LRMDA: variants seen among roughly 807,000 people sequenced by gnomAD.
The protein encoded by LRMDA is leucine-rich melanocyte differentiation-associated protein.
A neutral mutation model predicts 29.8 loss-of-function variants in LRMDA; 18 were observed. The observed-to-expected ratio is 0.60, with a 90% CI of 0.42 to 0.90. The LOEUF is 0.90. Among genes scored for constraint, LRMDA ranks in the 40% least tolerant of loss-of-function variants. The pLI is 0.00. For synonymous variants in LRMDA, 125 were observed against 109.4 expected (o/e 1.14, Z -0.89); for missense variants, 273 against 273.9 (o/e 1.00, Z 0.02).
At chr10:76,089,464 C>G (rs1898075) in intron 5 of LRMDA, among the ~76,000 whole-genome samples, 55,171 of 152,150 alleles carry the variant, frequency 0.36, 11,036 homozygotes, top group Non-Finnish European at 0.44. Context: ...GTCCTGGGAT[C>G]CTCCGCAACC....
intron 5 of LRMDA, among the ~76,000 whole-genome samples, chr10:76,237,614 A>G (rs762810097): frequency 2.6e-5 from 4 of 151,978 alleles, no homozygotes; most frequent in Non-Finnish European, 5.9e-5. Context: ...TGTCTTTTTC[A>G]AAGTGGGAGC....
intron 5 of LRMDA, among the ~76,000 whole-genome samples, chr10:76,076,967 C>T (rs939612204): frequency 2.6e-5 from 4 of 152,322 alleles, no homozygotes; most frequent in Middle Eastern, 3.4e-3. Flanking sequence ...TTGTGCTCCA[C>T]GTTACCTGGA....
intron 2 of LRMDA, among the ~76,000 whole-genome samples, chr10:75,560,817 T>C (rs1158554745): frequency 1.3e-5 from 2 of 152,150 alleles, no homozygotes; most frequent in Non-Finnish European, 2.9e-5. Context: ...TTTGATTCTG[T>C]TTATATGCTG....
At chr10:76,035,045 G>A (rs1289066603) in intron 2 of LRMDA, among the ~76,000 whole-genome samples, 4 of 151,350 alleles carry the variant, frequency 2.6e-5, no homozygotes, top group African/African-American at 9.7e-5. Context: ...ATAAAATTAA[G>A]AGTTAACTTT....
At chr10:76,063,631 T>C (rs78833173) in intron 5 of LRMDA, among the ~76,000 whole-genome samples, 2,021 of 152,194 alleles carry the variant, frequency 0.013, 47 homozygotes, top group African/African-American at 0.046. Flanking sequence ...GGAGATGCCC[T>C]GTGTTGAAGA....
At chr10:75,497,161 G>A (rs1169401930) in intron 2 of LRMDA, among the ~76,000 whole-genome samples, 1 of 152,062 alleles carries the variant, frequency 6.6e-6, no homozygotes, top group African/African-American at 2.4e-5. Flanking sequence ...ATGTCAGGGT[G>A]GCATTCACAG....
rs1851975263 is a variant in LRMDA at position 76,227,222 on chromosome 10, C to T, written c.517-97179C>T. On this transcript the variant is annotated intron_variant, in intron 5 of 6. Coordinates refer to ENST00000611255, the MANE Select transcript of LRMDA (RefSeq NM_001305581.2). ...GTGTGACCTTGTTTACTGTGTTCCTCCTTGGATTCAAAGTCTACCCAATAA... is the reference window on the plus strand; with the variant it reads ...GTGTGACCTTGTTTACTGTGTTCCTTCTTGGATTCAAAGTCTACCCAATAA... 1.3e-5 allele frequency among the ~76,000 whole-genome samples: 2 copies of T among 152,144 alleles called. 1 individual carries two copies. The highest frequency in any genetic ancestry group is 4.1e-4 in the South Asian group (2 of 4,826).
chr10:76,133,381 C>A (rs2132139407), intron 5 of LRMDA, among the ~76,000 whole-genome samples: 1 of 152,160 alleles, frequency 6.6e-6, no homozygotes, highest in Non-Finnish European at 1.5e-5. Flanking sequence ...GACAGCCTGG[C>A]CTTTGATGTT....
intron 2 of LRMDA, among the ~76,000 whole-genome samples, chr10:75,544,456 A>G (rs16932335): frequency 0.039 from 5,964 of 152,238 alleles, 381 homozygotes; most frequent in African/African-American, 0.14. Context: ...CATTGGATCT[A>G]CTGGAAAAAA....
chr10:75,468,827 G>A (rs1178753908), intron 2 of LRMDA, among the ~76,000 whole-genome samples: 1 of 151,964 alleles, frequency 6.6e-6, no homozygotes, highest in East Asian at 1.9e-4. Flanking sequence ...TTGCACAAAG[G>A]CTTCGTTCTG....
At chr10:76,278,115 C>T (rs929470941) in intron 5 of LRMDA, among the ~76,000 whole-genome samples, 5 of 152,098 alleles carry the variant, frequency 3.3e-5, no homozygotes, top group African/African-American at 4.8e-5. Flanking sequence ...GAGAATTTTT[C>T]GGATTTTGCA....
Position 76,558,540 on chromosome 10 carries a change from A to G in LRMDA, c.*1252A>G, listed in dbSNP as rs879466191. ...ACTCTAGAAGATGTTCAAAAGGTTG[A>G]TTGATTGTTCTTGACACGATAGTGT... On this transcript the variant is annotated 3_prime_UTR_variant, in exon 7 of 7. Transcript: ENST00000611255. 2 of 152,206 alleles carry G rather than the reference A, an allele frequency of 1.3e-5. No homozygotes were observed. The highest frequency in any genetic ancestry group is 2.4e-5 in the African/African-American group (1 of 41,450). The allele number at this position is 152,206 out of a possible 1,614,324, so 9.4% of individuals were successfully genotyped here.
chr10:75,523,581 G>C (rs1261590721), intron 2 of LRMDA, among the ~76,000 whole-genome samples: 1 of 152,152 alleles, frequency 6.6e-6, no homozygotes, highest in Non-Finnish European at 1.5e-5. Flanking sequence ...CCTGTGGTGG[G>C]TAATAACAGA....
At chr10:76,458,756 T>A (rs1362683058) in intron 6 of LRMDA, among the ~76,000 whole-genome samples, 1 of 152,216 alleles carries the variant, frequency 6.6e-6, no homozygotes, top group Admixed American at 6.5e-5. Flanking sequence ...TATGTGACAC[T>A]TCTGGCTACA....
chr10:76,227,626 A>G (rs1368922058), intron 5 of LRMDA, among the ~76,000 whole-genome samples: 3 of 152,158 alleles, frequency 2.0e-5, no homozygotes, highest in Non-Finnish European at 4.4e-5. Flanking sequence ...TAATCAACTG[A>G]ATTTCCCCTT....
chr10:75,472,099 T>G (rs1844734461), intron 2 of LRMDA, among the ~76,000 whole-genome samples: 1 of 152,198 alleles, frequency 6.6e-6, no homozygotes, highest in Admixed American at 6.5e-5. Context: ...CTTAAAATCC[T>G]TCCTGCCTTC....
At chr10:76,130,725 T>C (rs980209022) in intron 5 of LRMDA, among the ~76,000 whole-genome samples, 4 of 152,188 alleles carry the variant, frequency 2.6e-5, no homozygotes, top group Admixed American at 1.3e-4. Flanking sequence ...AAAGGTGCGA[T>C]CTCAGCTCAC....
chr10:75,645,991 G>A (rs1010046215), intron 2 of LRMDA, among the ~76,000 whole-genome samples: 9 of 149,480 alleles, frequency 6.0e-5, no homozygotes, highest in African/African-American at 7.4e-5. Flanking sequence ...CTTTCCTGCC[G>A]TGATATTTTC....
intron 5 of LRMDA, among the ~76,000 whole-genome samples, chr10:76,178,601 A>G (rs1375796202): frequency 6.6e-6 from 1 of 152,152 alleles, no homozygotes; most frequent in African/African-American, 2.4e-5. Flanking sequence ...AGTTGGGGTG[A>G]GGAATAGGAG....
Sources: gnomAD v4.1 joint callset for allele counts (sites outside exome capture counted in the v4.1 genomes callset) on GRCh38, gnomAD v4.1.1 for gene constraint, MANE v1.5 for transcripts, NCBI Gene and HGNC (gene_info 2026-07-23, HGNC 2026-07-21) for gene names.